The following PRKCA variants were observed in gnomAD, a reference collection of about 807,000 sequenced individuals.
The protein encoded by PRKCA is protein kinase C alpha.
A neutral mutation model predicts 87.0 loss-of-function variants in PRKCA; 27 were observed. That is an observed-to-expected ratio of 0.31 (90% CI 0.23 to 0.43). The LOEUF is 0.43. Among genes scored for constraint, PRKCA ranks in the 20% least tolerant of loss-of-function variants. The probability of loss-of-function intolerance (pLI) is 1.00; values close to 1 mark genes in which losing one functional copy is unlikely to be tolerated. For synonymous variants in PRKCA, 329 were observed against 311.1 expected (o/e 1.06, Z -0.61); for missense variants, 518 against 852.3 (o/e 0.61, Z 4.88).
rs548600328 is a variant in PRKCA, at chr17:66,786,059, C to A, written c.1606-808C>A. Among the ~76,000 whole-genome samples the A allele has an allele frequency of 8.7e-4, 133 of 152,244 alleles. 1 individual carries two copies. The highest frequency in any genetic ancestry group is 6.0e-3 in the East Asian group (31 of 5,174). On this transcript the variant is annotated intron_variant, in intron 14 of 16. Transcript: ENST00000413366. ...TAGCCAGGATGGTCTCGATCACCTG[C>A]CCTTGTGATCCGCCCGCCTCGGCCT...
chr17:66,618,012 A>C (rs1970561337), intron 3 of PRKCA, among the ~76,000 whole-genome samples: 1 of 152,074 alleles, frequency 6.6e-6, no homozygotes, highest in Non-Finnish European at 1.5e-5. Context: ...CTTTTAGTAC[A>C]CTGTTGGAAG....
At chr17:66,629,568 A>G (rs1293403983) in intron 3 of PRKCA, among the ~76,000 whole-genome samples, 2 of 152,236 alleles carry the variant, frequency 1.3e-5, no homozygotes, top group Non-Finnish European at 2.9e-5. Context: ...CACTTTGTAC[A>G]GGGCTGGCAG....
At chr17:66,757,110 A>G (rs964195070) in intron 13 of PRKCA, among the ~76,000 whole-genome samples, 1 of 152,216 alleles carries the variant, frequency 6.6e-6, no homozygotes, top group African/African-American at 2.4e-5. Flanking sequence ...ACTGGAGCAG[A>G]AATGAAGAAT....
In PRKCA at chr17:66,804,141, T is replaced by G; in HGVS notation, c.*104T>G. On this transcript the variant is annotated 3_prime_UTR_variant, in exon 17 of 17. Transcript: ENST00000413366. ...TTAAGGCCACGGCCTTGTGTCTGAT[T>G]CCATATGGAGGCCTGAAAATTGTAG... 1 of 1,456,888 alleles carries G rather than the reference T, an allele frequency of 6.9e-7. No homozygotes were observed. The allele number at this position is 1,456,888 out of a possible 1,614,324, so 90.2% of individuals were successfully genotyped here. A position where few individuals can be genotyped will look rare whatever the true frequency, so the allele number is the denominator to read the frequency against.
chr17:66,777,968 G>A (rs966313968), intron 14 of PRKCA: 13 of 984,934 alleles, frequency 1.3e-5, no homozygotes, highest in Non-Finnish European at 1.6e-5. Context: ...TGGCAGAGAA[G>A]TCCCCTTTGG....
chr17:66,686,976 G>T, intron 5 of PRKCA, 135 bp from the exon 6 acceptor site: 1 of 763,856 alleles, frequency 1.3e-6, no homozygotes. Context: ...AGTGTTAGAG[G>T]CTTTTGGCTT....
rs181500365 is a variant in PRKCA, at chr17:66,454,910, A to G, written c.206-41291A>G. 2.3e-4 allele frequency among the ~76,000 whole-genome samples: 35 copies of G among 152,312 alleles called. 1 individual carries two copies. The highest frequency in any genetic ancestry group is 2.6e-4 in the Admixed American group (4 of 15,306). On this transcript the variant is annotated intron_variant, in intron 2 of 16. Coordinates refer to ENST00000413366, the MANE Select transcript of PRKCA (RefSeq NM_002737.3). ...TCCTTTCTCCTTTTTACTCTGTGCA[A>G]TTGTGGGCCCTGGGGTGAGCCAGGT... is the stretch of plus-strand genomic sequence containing the variant.
At chr17:66,350,302 T>C (rs1437945420) in intron 2 of PRKCA, among the ~76,000 whole-genome samples, 1 of 152,038 alleles carries the variant, frequency 6.6e-6, no homozygotes, top group Non-Finnish European at 1.5e-5. Flanking sequence ...AAATGAGCCG[T>C]CTGAGTGGTC....
rs780152817 is a variant in PRKCA, at chr17:66,688,389, C to A, written c.774C>A (p.Ser258=). The A allele has an allele frequency of 4.3e-6, 7 of 1,614,172 alleles. No individual in the cohort carries two copies. The highest frequency in any genetic ancestry group is 5.9e-6 in the Non-Finnish European group (7 of 1,180,028). Reference sequence around the variant, plus strand: ...CAACAAGGAATGACTTCATGGGATCCCTTTCCTTTGGAGTTTCGGAGCTGA... The same window carrying A: ...CAACAAGGAATGACTTCATGGGATCACTTTCCTTTGGAGTTTCGGAGCTGA... ...DRTTRNDFMG[S]LSFGVSELMK... is the part of the protein sequence containing the mutation. The change falls in exon 7 of 17, where the codon TCC becomes TCA. Residue 258 remains serine (S), a synonymous_variant. Coordinates refer to ENST00000413366, the MANE Select transcript of PRKCA (RefSeq NM_002737.3).
chr17:66,462,666 T>C (rs543081220), intron 2 of PRKCA, among the ~76,000 whole-genome samples: 1 of 152,260 alleles, frequency 6.6e-6, no homozygotes, highest in African/African-American at 2.4e-5. Flanking sequence ...ATGATATAGG[T>C]CTTCCCCACC....
chr17:66,533,140 ATTCTC>A, intron 3 of PRKCA, among the ~76,000 whole-genome samples: 1 of 152,166 alleles, frequency 6.6e-6, no homozygotes, highest in Non-Finnish European at 1.5e-5. Flanking sequence ...TCCTACACTT[ATTCTC>A]CTCTCACCAA....
At chr17:66,630,548 C>G (rs577966100) in intron 3 of PRKCA, among the ~76,000 whole-genome samples, 2 of 152,356 alleles carry the variant, frequency 1.3e-5, no homozygotes, top group South Asian at 4.1e-4. Flanking sequence ...CTTTTCCTTT[C>G]CTCTGCCATG....
intron 2 of PRKCA, among the ~76,000 whole-genome samples, chr17:66,308,763 T>C (rs890313666): frequency 2.6e-5 from 4 of 152,230 alleles, no homozygotes; most frequent in African/African-American, 7.2e-5. Context: ...CTCAGGGTGA[T>C]GCTTTTAATC....
chr17:66,533,617 T>C (rs1053894258), intron 3 of PRKCA, among the ~76,000 whole-genome samples: 1 of 152,186 alleles, frequency 6.6e-6, no homozygotes, highest in Non-Finnish European at 1.5e-5. Flanking sequence ...CATTCATTTT[T>C]CCCATCTAAG....
chr17:66,640,966 G>C, intron 3 of PRKCA: 2 of 337,708 alleles, frequency 5.9e-6, no homozygotes, highest in South Asian at 4.6e-5. Context: ...TTCGAGACCA[G>C]CCTGGCCAAC....
rs58300078 is a variant in PRKCA at position 66,548,364 on chromosome 17, G to A, written c.288+52081G>A. ...GAGGGGCAGAAAGTCATCTCCTGCC[G>A]CCTCCCTCCCCTCAGAAAATGATTT... is the stretch of plus-strand genomic sequence containing the variant. On this transcript the variant is annotated intron_variant, in intron 3 of 16. Coordinates refer to ENST00000413366, the MANE Select transcript of PRKCA (RefSeq NM_002737.3). Among the ~76,000 whole-genome samples the A allele has an allele frequency of 9.7e-3, 1,472 of 152,146 alleles. 27 individuals carry two copies. The highest frequency in any genetic ancestry group is 0.033 in the African/African-American group (1,366 of 41,522).
At position 66,806,392 on chromosome 17, in the gene PRKCA, A is replaced by G. The variant is rs1479358184; in HGVS notation, c.*2355A>G. 6.6e-6 allele frequency: 1 copy of G among 152,032 alleles called. No homozygotes were observed. Among genetic ancestry groups the G allele is most frequent in the Non-Finnish European group, 1.5e-5 (1 of 68,024 alleles). 9.4% of individuals were successfully genotyped at this position (152,032 alleles called of 1,614,324 possible). Reference sequence around the variant, plus strand: ...CTGCCATCTTTTATGCACCATAGACATCGAGACTCCAGGGGGTCCTGGCTC... The same window carrying G: ...CTGCCATCTTTTATGCACCATAGACGTCGAGACTCCAGGGGGTCCTGGCTC... On this transcript the variant is annotated 3_prime_UTR_variant, in exon 17 of 17. Coordinates refer to ENST00000413366, the MANE Select transcript of PRKCA (RefSeq NM_002737.3).
chr17:66,532,429 G>A (rs1256691361), intron 3 of PRKCA, among the ~76,000 whole-genome samples: 2 of 151,052 alleles, frequency 1.3e-5, no homozygotes, highest in Non-Finnish European at 2.9e-5. Context: ...GCAGTGGTGC[G>A]ATCTTGGCTC....
intron 16 of PRKCA, chr17:66,796,635 A>G: frequency 1.0e-6 from 1 of 985,330 alleles, no homozygotes; most frequent in Non-Finnish European, 1.2e-6. Flanking sequence ...GAAAGGGCAG[A>G]CCAATGGCCA....
Sources: allele counts gnomAD v4.1 joint callset (sites outside exome capture counted in the v4.1 genomes callset), GRCh38; gene constraint gnomAD v4.1.1; transcripts MANE v1.5; gene names NCBI Gene and HGNC (gene_info 2026-07-23, HGNC 2026-07-21).